The following RTKN2 variants were observed in gnomAD, a reference collection of about 807,000 sequenced individuals.
RTKN2 encodes the protein rhotekin-2.
RTKN2 carries 69 observed loss-of-function variants against 71.5 expected under a neutral mutation model. That is an observed-to-expected ratio of 0.96 (90% CI 0.79 to 1.18). RTKN2 has a LOEUF of 1.18. Among genes scored for constraint, RTKN2 ranks in the 50% most tolerant of loss-of-function variants. RTKN2 has a pLI of 0.00. For synonymous variants in RTKN2, 236 were observed against 236.5 expected, an observed-to-expected ratio of 1.00 and a Z score of 0.02; for missense variants, 724 against 719.7, an observed-to-expected ratio of 1.01 and a Z score of -0.07.
intron 8 of RTKN2, among the ~76,000 whole-genome samples, chr10:62,187,642 T>C (rs977331694): frequency 1.3e-5 from 2 of 152,330 alleles, no homozygotes; most frequent in African/African-American, 4.8e-5. Flanking sequence ...TTTTCCTTTT[T>C]AGAAATTTTT....
At chr10:62,244,275 C>A (rs750891827) in intron 3 of RTKN2, among the ~76,000 whole-genome samples, 7 of 152,034 alleles carry the variant, frequency 4.6e-5, no homozygotes, top group Non-Finnish European at 1.0e-4. Context: ...AAAGACATTA[C>A]GTAAGTATCC....
Position 62,218,241 on chromosome 10 carries a change from G to A in RTKN2, c.842C>T (p.Pro281Leu). 6.2e-7 allele frequency: 1 copy of A among 1,613,470 alleles called. No individual in the cohort carries two copies. Among genetic ancestry groups the A allele is most frequent in the African/African-American group, 1.3e-5 (1 of 74,966 alleles). Residue 281 changes from proline to leucine, a missense_variant, in exon 8 of 12, where the codon CCA becomes CTA. Pro to Leu is a moderately conservative substitution (Grantham distance 98, BLOSUM62 -3). Coordinates refer to ENST00000373789, the MANE Select transcript of RTKN2 (RefSeq NM_145307.4). ...AAATGCATCCTCAGCCATACAAGCTGGCTGGGCAACTAGTCGGCAGCACAT... is the reference window on the plus strand; with the variant it reads ...AAATGCATCCTCAGCCATACAAGCTAGCTGGGCAACTAGTCGGCAGCACAT... ...GNMCCRLVAQ[P>L]ACMAEDAFAG...
chr10:62,261,744 C>T (rs1043914004), intron 2 of RTKN2, among the ~76,000 whole-genome samples: 1 of 152,120 alleles, frequency 6.6e-6, no homozygotes, highest in African/African-American at 2.4e-5. Flanking sequence ...ATTACATCCT[C>T]ATCAAAATTT....
Position 62,246,024 on chromosome 10 carries a change from T to G in RTKN2, c.291A>C (p.Ala97=). ...DVKFESKERT[A]CKGKIAISDI... is the part of the protein sequence containing the mutation. ...CTGATATGGCAATCTTTCCTTTACATGCTGTTCGTTCTTTACTTTCAAATT... is the reference window on the plus strand; with the variant it reads ...CTGATATGGCAATCTTTCCTTTACAGGCTGTTCGTTCTTTACTTTCAAATT... The change falls in exon 3 of 12, where the codon GCA becomes GCC. Residue 97 remains alanine (A), a synonymous_variant. Coordinates refer to ENST00000373789, the MANE Select transcript of RTKN2 (RefSeq NM_145307.4). The G allele has an allele frequency of 6.3e-7, 1 of 1,596,612 alleles. No homozygotes were observed. The highest frequency in any genetic ancestry group is 8.5e-7 in the Non-Finnish European group (1 of 1,171,420).
chr10:62,222,750 T>C (rs1841936723), intron 7 of RTKN2, among the ~76,000 whole-genome samples: 1 of 152,218 alleles, frequency 6.6e-6, no homozygotes, highest in South Asian at 2.1e-4. Context: ...AAACCCCTTC[T>C]TCAGTTTCCT....
intron 2 of RTKN2, among the ~76,000 whole-genome samples, chr10:62,251,583 G>A (rs917797987): frequency 6.6e-6 from 1 of 152,044 alleles, no homozygotes; most frequent in Non-Finnish European, 1.5e-5. Context: ...ATAAATAAAA[G>A]TAGATAATCA....
In RTKN2 at chr10:62,251,354, G is replaced by T. The variant is rs534364225; in HGVS notation, c.258-5297C>A. On this transcript the variant is annotated intron_variant, in intron 2 of 11. Transcript: ENST00000373789. ...ATTTACAAATTAAACTTTATCATAG[G>T]GGTGTATGTATAGGAAAAAACATAG... Among the ~76,000 whole-genome samples, 3 of 152,134 alleles carry T rather than the reference G, an allele frequency of 2.0e-5. No homozygotes were observed. The South Asian group carries it at 6.2e-4, about 32-fold the overall frequency.
chr10:62,264,524 T>C (rs1589390148), intron 1 of RTKN2, among the ~76,000 whole-genome samples: 1 of 152,358 alleles, frequency 6.6e-6, no homozygotes, highest in South Asian at 2.1e-4. Context: ...GAATTATCTA[T>C]GTGACCCATA....
chr10:62,202,889 G>A lies in RTKN2; in HGVS notation c.1186+1968C>T, dbSNP rs11591771. Among the ~76,000 whole-genome samples the A allele has an allele frequency of 3.9e-4, 60 of 152,282 alleles. 1 individual carries two copies. The highest frequency in any genetic ancestry group is 1.1e-3 in the African/African-American group (47 of 41,564). ...TAACAATTATACAATAGCTGGGTGC[G>A]GTGGCTCACACCTGTAATCCCAGCA... On this transcript the variant is annotated intron_variant, in intron 10 of 11. Coordinates refer to ENST00000373789, the MANE Select transcript of RTKN2 (RefSeq NM_145307.4).
At chr10:62,203,196 C>T (rs541625876) in intron 10 of RTKN2, among the ~76,000 whole-genome samples, 2 of 151,936 alleles carry the variant, frequency 1.3e-5, no homozygotes, top group Admixed American at 1.3e-4. Context: ...AATAAAAATA[C>T]CAAAATCATT....
chr10:62,185,129 T>G (rs936660961), intron 8 of RTKN2, among the ~76,000 whole-genome samples: 1 of 151,844 alleles, frequency 6.6e-6, no homozygotes, highest in East Asian at 1.9e-4. Context: ...TTTAGATGAC[T>G]CTCCTCTCAT....
chr10:62,235,686 G>GTGTGTGTGTGTGTA (rs35595937), intron 6 of RTKN2, among the ~76,000 whole-genome samples: 2,987 of 151,048 alleles, frequency 0.02, 98 homozygotes, highest in African/African-American at 0.07. Context: ...GTGTGTGTGT[G>GTGTGTGTGTGTGTA]TGTATACATG....
At position 62,197,356 on chromosome 10, in the gene RTKN2, C is replaced by A; in HGVS notation, c.*552G>T. ...AAGAATTTAATATTCTAAAATTTAT[C>A]CCAGGAATTTAAAAGGTCAGGCCTA... On this transcript the variant is annotated 3_prime_UTR_variant, in exon 12 of 12. Coordinates refer to ENST00000373789, the MANE Select transcript of RTKN2 (RefSeq NM_145307.4). 1.0e-6 allele frequency: 1 copy of A among 984,986 alleles called. No individual in the cohort carries two copies. The highest frequency in any genetic ancestry group is 6.2e-5 in the Admixed American group (1 of 16,258). 61.0% of individuals were successfully genotyped at this position (984,986 alleles called of 1,614,324 possible). A position where few individuals can be genotyped will look rare whatever the true frequency, so the allele number is the denominator to read the frequency against.
intron 5 of RTKN2, chr10:62,238,531 G>A (rs2132989617): frequency 6.6e-6 from 1 of 151,992 alleles, no homozygotes; most frequent in African/African-American, 2.4e-5. Context: ...AAGTTCACTA[G>A]CAATAGTTGA....
chr10:62,229,962 A>G (rs1016163663), intron 6 of RTKN2, among the ~76,000 whole-genome samples: 5 of 152,194 alleles, frequency 3.3e-5, no homozygotes, highest in Admixed American at 2.6e-4. Context: ...GTGGCCATCA[A>G]AATAATTATG....
intron 9 of RTKN2, among the ~76,000 whole-genome samples, chr10:62,205,440 A>G (rs932014266): frequency 5.3e-5 from 8 of 152,142 alleles, no homozygotes; most frequent in Non-Finnish European, 7.4e-5. Context: ...AAAACAGAAG[A>G]ATCAGTAAAG....
intron 7 of RTKN2, 77 bp downstream of exon 7, chr10:62,223,161 T>G: frequency 1.3e-6 from 1 of 759,300 alleles, no homozygotes; most frequent in Non-Finnish European, 2.2e-6. Context: ...TAAGCCGATA[T>G]CCACTTGAGG....
intron 2 of RTKN2, chr10:62,259,075 GGGGCA>G (rs936419763): frequency 9.6e-5 from 31 of 323,868 alleles, no homozygotes; most frequent in African/African-American, 6.8e-4. Flanking sequence ...CTGAATCATA[GGGGCA>G]GGTTTTTCCT....
chr10:62,204,780 T>C (rs937699599), intron 10 of RTKN2, 77 bp downstream of exon 10: 34 of 1,169,000 alleles, frequency 2.9e-5, no homozygotes, highest in Non-Finnish European at 3.9e-5. Flanking sequence ...ACTCTAAGAT[T>C]ACAATTTTAA....
Sources: gnomAD v4.1 joint callset for allele counts (sites outside exome capture counted in the v4.1 genomes callset) on GRCh38, gnomAD v4.1.1 for gene constraint, MANE v1.5 for transcripts, NCBI Gene and HGNC (gene_info 2026-07-23, HGNC 2026-07-21) for gene names.